Variants in ANO3 observed in about 807,000 individuals in gnomAD.
ANO3 encodes anoctamin-3.
A neutral mutation model predicts 144.8 loss-of-function variants in ANO3; 99 were observed. The ratio of observed to expected loss-of-function variants is 0.68; its 90% CI spans 0.58 to 0.81. ANO3 has a LOEUF of 0.81. Among genes scored for constraint, ANO3 ranks in the 30% least tolerant of loss-of-function variants. The pLI, the probability that ANO3 is intolerant of heterozygous loss-of-function variation, is 0.00. For synonymous variants in ANO3, 414 were observed against 392.6 expected, an observed-to-expected ratio of 1.05 and a Z score of -0.64; for missense variants, 905 against 1,202.2, an observed-to-expected ratio of 0.75 and a Z score of 3.66.
rs185033498 is a variant in ANO3 at position 26,468,520 on chromosome 11, C to G, written c.432+5372C>G. Among the ~76,000 whole-genome samples the G allele has an allele frequency of 1.3e-4, 20 of 152,058 alleles. No homozygotes were observed. The East Asian group carries it at 3.9e-3, about 30-fold the overall frequency. ...TGGCAGATGGTACTCATCTTTATCT[C>G]AATGAGTATTAGAAATAATTTTCTC... On this transcript the variant is annotated intron_variant, in intron 4 of 26. Coordinates refer to ENST00000256737, the MANE Select transcript of ANO3 (RefSeq NM_031418.4).
chr11:26,190,628 A>G (rs1851456378), intron 1 of ANO3, among the ~76,000 whole-genome samples: 1 of 152,202 alleles, frequency 6.6e-6, no homozygotes, highest in African/African-American at 2.4e-5. Context: ...TGTCAGAGTT[A>G]GCACATCCAT....
intron 11 of ANO3, among the ~76,000 whole-genome samples, chr11:26,546,024 A>T (rs1174001007): frequency 6.6e-6 from 1 of 151,906 alleles, no homozygotes; most frequent in Non-Finnish European, 1.5e-5. Context: ...TATCTATATC[A>T]TACTGATATA....
At chr11:26,306,036 G>C (rs1464839138), upstream of ANO3, among the ~76,000 whole-genome samples, 1 of 151,900 alleles carries the variant, frequency 6.6e-6, no homozygotes, top group African/African-American at 2.4e-5. Context: ...TCGGCTCACT[G>C]CAAGCTCCGC....
chr11:26,355,634 A>G (rs1855762555), intron 1 of ANO3, among the ~76,000 whole-genome samples: 2 of 150,370 alleles, frequency 1.3e-5, no homozygotes, highest in South Asian at 4.2e-4. Context: ...ATCTCAGCTC[A>G]CTGCAACCTC....
At chr11:26,470,556 G>C (rs1049355882) in intron 4 of ANO3, among the ~76,000 whole-genome samples, 1 of 151,830 alleles carries the variant, frequency 6.6e-6, no homozygotes, top group Non-Finnish European at 1.5e-5. Context: ...ATAGTAATTC[G>C]TAATGCCCTC....
chr11:26,215,074 C>T (rs1852009939), intron 1 of ANO3, among the ~76,000 whole-genome samples: 2 of 151,942 alleles, frequency 1.3e-5, no homozygotes, highest in South Asian at 4.1e-4. Context: ...CTTATAATCA[C>T]TGAAATTAAT....
chr11:26,501,202 C>T (rs959645072), intron 4 of ANO3, among the ~76,000 whole-genome samples: 1 of 152,156 alleles, frequency 6.6e-6, no homozygotes, highest in African/African-American at 2.4e-5. Context: ...GTTGGACTAA[C>T]CTGATTCATT....
intron 3 of ANO3, among the ~76,000 whole-genome samples, chr11:26,454,714 CT>C (rs1367962114): frequency 6.6e-6 from 1 of 152,004 alleles, no homozygotes; most frequent in Non-Finnish European, 1.5e-5. Context: ...GGAATCCTCC[CT>C]CATTTTATGA....
At chr11:26,355,092 A>C (rs1253684004) in intron 1 of ANO3, among the ~76,000 whole-genome samples, 2 of 151,006 alleles carry the variant, frequency 1.3e-5, no homozygotes, top group African/African-American at 4.9e-5. Context: ...TAGCTTTCTG[A>C]ACTAGTGCCA....
intron 1 of ANO3, among the ~76,000 whole-genome samples, chr11:26,337,240 T>C (rs967406232): frequency 1.3e-5 from 2 of 152,242 alleles, no homozygotes; most frequent in African/African-American, 4.8e-5. Flanking sequence ...ATTACTGTGT[T>C]AATTCAAAGT....
At chr11:26,220,926 G>A (rs114651221) in intron 1 of ANO3, among the ~76,000 whole-genome samples, 2 of 75,460 alleles carry the variant, frequency 2.7e-5, no homozygotes, top group Non-Finnish European at 3.7e-5. Context: ...ACTGCCTACA[G>A]ATAAAGATGT....
chr11:26,628,952 G>A (rs1386507361), intron 18 of ANO3, among the ~76,000 whole-genome samples: 1 of 152,070 alleles, frequency 6.6e-6, no homozygotes, highest in Non-Finnish European at 1.5e-5. Flanking sequence ...CTTCCAGGAA[G>A]ACAAGCCCCT....
chr11:26,287,130 G>A (rs1026452582), intron 1 of ANO3, among the ~76,000 whole-genome samples: 5 of 152,098 alleles, frequency 3.3e-5, no homozygotes, highest in Non-Finnish European at 5.9e-5. Flanking sequence ...GGAGAAAGCC[G>A]AATTGATAGA....
At chr11:26,511,395 G>T (rs1861658764) in intron 5 of ANO3, among the ~76,000 whole-genome samples, 2 of 152,062 alleles carry the variant, frequency 1.3e-5, no homozygotes, top group South Asian at 4.1e-4. Context: ...AGCAAGGGAA[G>T]GTGCTGCAAA....
chr11:26,335,231 T>G (rs1005238945), intron 1 of ANO3, among the ~76,000 whole-genome samples: 1 of 152,196 alleles, frequency 6.6e-6, no homozygotes, highest in Admixed American at 6.5e-5. Context: ...AAGATAATTA[T>G]GTCTATCTTG....
intron 1 of ANO3, among the ~76,000 whole-genome samples, chr11:26,289,851 A>G (rs1398551687): frequency 6.6e-6 from 1 of 151,200 alleles, no homozygotes; most frequent in African/African-American, 2.4e-5. Flanking sequence ...TTTTGCATCG[A>G]TGTTCATCAG....
At chr11:26,550,402 C>A (rs1849902975) in intron 12 of ANO3, among the ~76,000 whole-genome samples, 1 of 151,820 alleles carries the variant, frequency 6.6e-6, no homozygotes, top group Admixed American at 6.6e-5. Context: ...ATAACTGAAA[C>A]TTTTTATCCG....
chr11:26,400,347 G>T (rs1359944040), intron 1 of ANO3, among the ~76,000 whole-genome samples: 2 of 151,952 alleles, frequency 1.3e-5, no homozygotes, highest in Non-Finnish European at 2.9e-5. Context: ...TGTGTATGGG[G>T]CATAAAAGAA....
intron 17 of ANO3, among the ~76,000 whole-genome samples, chr11:26,619,747 G>A (rs550625943): frequency 8.1e-4 from 123 of 152,248 alleles, no homozygotes; most frequent in African/African-American, 2.7e-3. Context: ...GATTACAGGC[G>A]TGAGCCACTG....
Sources: gnomAD v4.1 joint callset for allele counts (sites outside exome capture counted in the v4.1 genomes callset) on GRCh38, gnomAD v4.1.1 for gene constraint, MANE v1.5 for transcripts, NCBI Gene and HGNC (gene_info 2026-07-23, HGNC 2026-07-21) for gene names.